Variants in ADAMTS12 observed in about 807,000 individuals in gnomAD.
ADAMTS12 encodes the protein A disintegrin and metalloproteinase with thrombospondin motifs 12.
Under a neutral mutation model 167.8 loss-of-function variants are expected in ADAMTS12, and 118 were observed. The ratio of observed to expected loss-of-function variants is 0.70; its 90% CI spans 0.61 to 0.82. ADAMTS12 has a LOEUF of 0.82. Ranked by LOEUF, ADAMTS12 falls within the 40% of genes least tolerant of loss-of-function variation. The pLI is 0.00. For synonymous variants in ADAMTS12, 704 were observed against 716.9 expected (o/e 0.98, Z 0.29); for missense variants, 1,916 against 1,998.8 (o/e 0.96, Z 0.79).
chr5:33,822,301 G>T (rs2112504100), intron 2 of ADAMTS12, among the ~76,000 whole-genome samples: 1 of 152,218 alleles, frequency 6.6e-6, no homozygotes, highest in African/African-American at 2.4e-5. Context: ...TCTCTAAGTG[G>T]CCAACCTCAC....
At chr5:33,853,476 G>A (rs544980033) in intron 2 of ADAMTS12, among the ~76,000 whole-genome samples, 2 of 152,230 alleles carry the variant, frequency 1.3e-5, no homozygotes, top group South Asian at 4.1e-4. Context: ...TGAACATAAC[G>A]CAACACAGCA....
intron 6 of ADAMTS12, among the ~76,000 whole-genome samples, chr5:33,660,272 G>T (rs1741209540): frequency 6.6e-6 from 1 of 152,200 alleles, no homozygotes; most frequent in South Asian, 2.1e-4. Flanking sequence ...AGTTATGGCT[G>T]TTGGGGTCAA....
intron 2 of ADAMTS12, among the ~76,000 whole-genome samples, chr5:33,790,489 G>C (rs1304141312): frequency 6.6e-6 from 1 of 150,886 alleles, no homozygotes; most frequent in Admixed American, 6.6e-5. Flanking sequence ...GGAGGCGGAG[G>C]TTGCAGACAG....
intron 13 of ADAMTS12, among the ~76,000 whole-genome samples, chr5:33,628,774 A>C (rs1429404212): frequency 1.3e-5 from 2 of 152,248 alleles, no homozygotes; most frequent in Non-Finnish European, 2.9e-5. Context: ...TAAAGTATTT[A>C]GGCTATTAAG....
intron 5 of ADAMTS12, among the ~76,000 whole-genome samples, chr5:33,669,516 G>A (rs966551224): frequency 5.3e-5 from 8 of 152,114 alleles, no homozygotes; most frequent in Admixed American, 5.2e-4. Flanking sequence ...ACCTGGGAAT[G>A]AATTCCATTT....
chr5:33,550,533 T>C (rs1172703193), intron 20 of ADAMTS12, among the ~76,000 whole-genome samples: 1 of 152,162 alleles, frequency 6.6e-6, no homozygotes, highest in East Asian at 1.9e-4. Context: ...GTTAATACAA[T>C]GTCCTTGGGG....
chr5:33,590,691 C>A (rs1299602915), intron 17 of ADAMTS12, among the ~76,000 whole-genome samples: 3 of 152,162 alleles, frequency 2.0e-5, no homozygotes, highest in African/African-American at 7.2e-5. Context: ...GTCACCCAGG[C>A]TAGTCTCGAA....
intron 3 of ADAMTS12, among the ~76,000 whole-genome samples, chr5:33,690,988 C>T (rs753290140): frequency 2.0e-5 from 3 of 152,114 alleles, no homozygotes; most frequent in East Asian, 1.9e-4. Flanking sequence ...GCTTAGACAT[C>T]GATTGAACTC....
intron 2 of ADAMTS12, among the ~76,000 whole-genome samples, chr5:33,766,673 G>C (rs1745546694): frequency 6.6e-6 from 1 of 152,028 alleles, no homozygotes; most frequent in South Asian, 2.1e-4. Context: ...AATTTTAAAA[G>C]TGTACTTTTA....
chr5:33,728,077 G>GT (rs1175402743), intron 3 of ADAMTS12, among the ~76,000 whole-genome samples: 1 of 152,154 alleles, frequency 6.6e-6, no homozygotes, highest in African/African-American at 2.4e-5. Flanking sequence ...ATACCCTGGA[G>GT]TGTCCCTGAA....
At chr5:33,627,129 ATG>A in intron 13 of ADAMTS12, among the ~76,000 whole-genome samples, 1 of 106,440 alleles carries the variant, frequency 9.4e-6, no homozygotes, top group East Asian at 3.2e-4. Context: ...GGTGGTGGTG[ATG>A]TGGTGGTGGT....
chr5:33,780,416 T>C (rs1746083328), intron 2 of ADAMTS12, among the ~76,000 whole-genome samples: 2 of 152,152 alleles, frequency 1.3e-5, no homozygotes, highest in Admixed American at 6.5e-5. Flanking sequence ...AGATAAGGGA[T>C]TCAATGATAT....
intron 2 of ADAMTS12, among the ~76,000 whole-genome samples, chr5:33,878,393 T>C (rs532142230): frequency 2.0e-5 from 3 of 152,252 alleles, no homozygotes; most frequent in South Asian, 2.1e-4. Context: ...GATGTGAAAA[T>C]TTCCCATCAT....
intron 1 of ADAMTS12, among the ~76,000 whole-genome samples, chr5:33,885,803 G>A (rs1000525008): frequency 2.0e-5 from 3 of 152,208 alleles, no homozygotes; most frequent in African/African-American, 7.2e-5. Context: ...GTCTTCTCAG[G>A]CAATAGGAAA....
At chr5:33,582,905 G>C (rs1747140795) in intron 18 of ADAMTS12, among the ~76,000 whole-genome samples, 1 of 152,178 alleles carries the variant, frequency 6.6e-6, no homozygotes, top group South Asian at 2.1e-4. Context: ...GAGATGTTTT[G>C]AAACAGGCAT....
At chr5:33,785,970 A>T (rs904466793) in intron 2 of ADAMTS12, among the ~76,000 whole-genome samples, 95 of 152,366 alleles carry the variant, frequency 6.2e-4, no homozygotes, top group African/African-American at 2.3e-3. Flanking sequence ...ATACAATGGA[A>T]TACTATTCAT....
intron 2 of ADAMTS12, among the ~76,000 whole-genome samples, chr5:33,822,220 C>T (rs1747893953): frequency 6.6e-6 from 1 of 152,052 alleles, no homozygotes; most frequent in South Asian, 2.1e-4. Flanking sequence ...ATTTTAATGC[C>T]TTGAAAATGA....
intron 13 of ADAMTS12, among the ~76,000 whole-genome samples, chr5:33,628,665 C>T (rs187982423): frequency 1.1e-4 from 17 of 152,232 alleles, no homozygotes; most frequent in Admixed American, 6.5e-4. Context: ...GTAATACATG[C>T]TCAATCCCCT....
At chr5:33,532,765 C>T (rs1200405518) in intron 23 of ADAMTS12, among the ~76,000 whole-genome samples, 1 of 151,918 alleles carries the variant, frequency 6.6e-6, no homozygotes, top group African/African-American at 2.4e-5. Context: ...GTAAAATGAC[C>T]TGGAGGAAAC....
Sources: gnomAD v4.1 joint callset for allele counts (sites outside exome capture counted in the v4.1 genomes callset) on GRCh38, gnomAD v4.1.1 for gene constraint, MANE v1.5 for transcripts, NCBI Gene and HGNC (gene_info 2026-07-23, HGNC 2026-07-21) for gene names.